The following PAK4 variants were observed in gnomAD, a reference collection of about 807,000 sequenced individuals.
The protein encoded by PAK4 is serine/threonine-protein kinase PAK 4.
In PAK4, 49 loss-of-function variants were observed where a neutral mutation model predicts 53.5. That is an observed-to-expected ratio of 0.92 (90% CI 0.73 to 1.16). The LOEUF (loss-of-function observed/expected upper bound fraction) is 1.16. Ranked by LOEUF, PAK4 falls within the 50% of genes most tolerant of loss-of-function variation. PAK4 has a pLI of 0.00. For synonymous variants in PAK4, 376 were observed against 375.6 expected, an observed-to-expected ratio of 1.00 and a Z score of -0.01; for missense variants, 824 against 850.7, an observed-to-expected ratio of 0.97 and a Z score of 0.39.
At position 39,170,359 on chromosome 19, in the gene PAK4, G is replaced by GT. The variant is rs886715885; in HGVS notation, c.204+613dup. 5.5e-3 allele frequency among the ~76,000 whole-genome samples: 825 copies of GT among 148,684 alleles called. 12 individuals carry two copies. Among genetic ancestry groups the GT allele is most frequent in the African/African-American group, 0.017 (711 of 40,762 alleles). ...AACGCTGGGGGCTTTTTGGTTTTGG[G>GT]TTTTTTTTTTTCTTCCTGCCATCTA... On this transcript the variant is annotated intron_variant, in intron 2 of 8. Coordinates refer to ENST00000358301, the Ensembl canonical transcript of PAK4.
At chr19:39,181,100 T>TTTTTTTG (rs924877554), downstream of PAK4, 4 of 152,216 alleles carry the variant, frequency 2.6e-5, no homozygotes, top group Non-Finnish European at 5.9e-5. Context: ...TTGTTTTGAG[T>TTTTTTTG]TTTTTTGTTT....
At chr19:39,148,218 C>T (rs2074035645) in intron 1 of PAK4, among the ~76,000 whole-genome samples, 1 of 151,782 alleles carries the variant, frequency 6.6e-6, no homozygotes, top group Non-Finnish European at 1.5e-5. Context: ...TCCCAAAGTG[C>T]TGGGATTACA....
At chr19:39,149,316 G>T (rs1176640491) in intron 1 of PAK4, among the ~76,000 whole-genome samples, 1 of 152,198 alleles carries the variant, frequency 6.6e-6, no homozygotes, top group South Asian at 2.1e-4. Flanking sequence ...GCCATAAAAA[G>T]GAATGGAATT....
At chr19:39,154,362 T>G (rs2074141549) in intron 1 of PAK4, among the ~76,000 whole-genome samples, 1 of 152,118 alleles carries the variant, frequency 6.6e-6, no homozygotes, top group Non-Finnish European at 1.5e-5. Context: ...GTGGCTGCCA[T>G]TTCTCTTGTT....
intron 4 of PAK4, among the ~76,000 whole-genome samples, chr19:39,174,543 C>A (rs937299710): frequency 6.6e-6 from 1 of 152,052 alleles, no homozygotes; most frequent in Admixed American, 6.6e-5. Context: ...GACCCCGTTG[C>A]CCATCACAGT....
rs371466582 is a variant in PAK4, at chr19:39,176,766, A to T, written c.1485+51A>T. ...CCCGCCGTGGACAGCGTACGCTGCC[A>T]TTTTCCAGCTGCAGCGCTGGCGGGA... On this transcript the variant is annotated intron_variant, in intron 7 of 8. Transcript: ENST00000358301. 4.4e-6 allele frequency: 7 copies of T among 1,587,086 alleles called. No individual in the cohort carries two copies. In the African/African-American group the frequency reaches 6.7e-5, roughly 15 times the overall value.
rs1163195390 is a variant in PAK4 at position 39,173,005 on chromosome 19, A to T, written c.292A>T (p.Asn98Tyr). 6.5e-7 allele frequency: 1 copy of T among 1,549,866 alleles called. No homozygotes were observed. Among genetic ancestry groups the T allele is most frequent in the Non-Finnish European group, 8.7e-7 (1 of 1,147,032 alleles). The change falls in exon 3 of 9, where the codon AAC becomes TAC. Residue 98 changes from asparagine to tyrosine, a missense_variant. Transcript: ENST00000358301. This position sits in a 1 kb window ranked among gnomAD's most constrained non-coding sequence, Gnocchi z 6.9. ...TGAGAACATGTCGGTGACACGCTCC[A>T]ACTCCCTGCGGAGAGACAGCCCGCC...
chr19:39,169,984 G>A (rs2074448630), intron 2 of PAK4, among the ~76,000 whole-genome samples: 2 of 152,034 alleles, frequency 1.3e-5, no homozygotes, highest in Admixed American at 1.3e-4. Context: ...CCTCCCCCAC[G>A]GCCCATCTGA....
intron 1 of PAK4, among the ~76,000 whole-genome samples, chr19:39,142,152 G>C (rs2073921447): frequency 1.3e-5 from 2 of 152,292 alleles, no homozygotes; most frequent in South Asian, 4.1e-4. Flanking sequence ...ACTGGCATCA[G>C]CTCTTTGGCG....
chr19:39,167,985 C>G (rs571553964), intron 1 of PAK4: 1 of 152,552 alleles, frequency 6.6e-6, no homozygotes, highest in South Asian at 2.1e-4. Flanking sequence ...TCCCCTCTTC[C>G]TGGAAGCCTT....
At chr19:39,133,261 G>A (rs924191358) in intron 1 of PAK4, among the ~76,000 whole-genome samples, 9 of 152,210 alleles carry the variant, frequency 5.9e-5, no homozygotes, top group African/African-American at 1.9e-4. Flanking sequence ...TATTCGGCAG[G>A]CAAAATGTAT....
At chr19:39,127,170 T>TG (rs2073601468) in intron 1 of PAK4, among the ~76,000 whole-genome samples, 1 of 152,062 alleles carries the variant, frequency 6.6e-6, no homozygotes, top group Non-Finnish European at 1.5e-5. Flanking sequence ...AGAGTGTCCC[T>TG]GGGTGGTACC....
intron 1 of PAK4, among the ~76,000 whole-genome samples, chr19:39,146,100 T>TG (rs1195297200): frequency 6.6e-6 from 1 of 152,260 alleles, no homozygotes; most frequent in Non-Finnish European, 1.5e-5. Context: ...ATCTTTGTCA[T>TG]GCTTGCCATT....
Position 39,169,629 on chromosome 19 carries a change from G to A in PAK4, c.76G>A (p.Asp26Asn), listed in dbSNP as rs1422390090. 1.9e-6 allele frequency: 3 copies of A among 1,613,646 alleles called. No individual in the cohort carries two copies. Among genetic ancestry groups the A allele is most frequent in the Non-Finnish European group, 2.5e-6 (3 of 1,179,926 alleles). Residue 26 changes from aspartate to asparagine, a missense_variant, in exon 2 of 9, where the codon GAC becomes AAC. Physicochemically the swap from Asp to Asn is conservative, Grantham distance 23. Transcript: ENST00000358301. ...CGAGCACCGCGTGCACACGGGCTTC[G>A]ACCAGCACGAGCAGAAGTTCACGGG...
intron 1 of PAK4, among the ~76,000 whole-genome samples, chr19:39,163,224 G>C (rs1254045211): frequency 6.6e-6 from 1 of 152,192 alleles, no homozygotes; most frequent in Non-Finnish European, 1.5e-5. Flanking sequence ...AGTGCAGGCT[G>C]GAGGCAGTGA....
chr19:39,138,728 G>T (rs1192014205), intron 1 of PAK4, among the ~76,000 whole-genome samples: 2 of 152,212 alleles, frequency 1.3e-5, no homozygotes, highest in African/African-American at 4.8e-5. Flanking sequence ...CGGGCAGGGT[G>T]CCCAGAAAGG....
intron 2 of PAK4, among the ~76,000 whole-genome samples, chr19:39,172,640 A>C (rs2074504085): frequency 1.3e-5 from 2 of 151,964 alleles, no homozygotes; most frequent in South Asian, 4.1e-4. Flanking sequence ...CACCAGTGTG[A>C]GGAACAGGAG....
chr19:39,148,466 CTTTTTTTT>C (rs74176491), intron 1 of PAK4, among the ~76,000 whole-genome samples: 1 of 56,786 alleles, frequency 1.8e-5, no homozygotes, highest in Non-Finnish European at 2.9e-5. Flanking sequence ...GTTTCTTCTG[CTTTTTTTT>C]TTTTTTTTTT....
At position 39,173,150 on chromosome 19, in the gene PAK4, G is replaced by A; in HGVS notation, c.437G>A (p.Gly146Asp). ...TTCGCCGGTCACAGCGAGGCGGGTG[G>A]CGGCAGTGGTGACAGGCGACGGGCG... Residue 146 changes from glycine (G) to aspartate (D), a missense_variant, in exon 3 of 9, where the codon GGC (glycine) becomes GAC (aspartate). Transcript: ENST00000358301. This position sits in a 1 kb window ranked among gnomAD's most constrained non-coding sequence, Gnocchi z 6.9. 2.6e-6 allele frequency: 4 copies of A among 1,542,194 alleles called. No homozygotes were observed. The highest frequency in any genetic ancestry group is 3.5e-6 in the Non-Finnish European group (4 of 1,141,768).
Sources: allele counts gnomAD v4.1 joint callset (sites outside exome capture counted in the v4.1 genomes callset), GRCh38; gene constraint gnomAD v4.1.1; non-coding constraint Gnocchi (gnomAD v3.1); transcripts MANE v1.5; gene names NCBI Gene and HGNC (gene_info 2026-07-23, HGNC 2026-07-21).